Variants in PCDHGA11 observed in about 807,000 individuals in gnomAD.
PCDHGA11 encodes protocadherin gamma subfamily A, 11, also known as protocadherin gamma-A11.
Under a neutral mutation model 60.4 loss-of-function variants are expected in PCDHGA11, and 39 were observed. The ratio of observed to expected loss-of-function variants is 0.65; its 90% CI spans 0.50 to 0.84. The LOEUF is 0.84. PCDHGA11 is among the 40% of genes least tolerant of loss of function. The probability of loss-of-function intolerance (pLI) is 0.00; values close to 1 mark genes in which losing one functional copy is unlikely to be tolerated. For synonymous variants in PCDHGA11, 533 were observed against 510.3 expected, an observed-to-expected ratio of 1.04 and a Z score of -0.60; for missense variants, 1,165 against 1,197.7, an observed-to-expected ratio of 0.97 and a Z score of 0.40.
At chr5:141,427,951 A>G in intron 1 of PCDHGA11, 1 of 1,586,612 alleles carries the variant, frequency 6.3e-7, no homozygotes, top group Non-Finnish European at 8.6e-7. Flanking sequence ...CTCAATGACA[A>G]TGTGCCGCGG....
In PCDHGA11 at chr5:141,491,129, C is replaced by T; in HGVS notation, c.2434-3678C>T. On this transcript the variant is annotated intron_variant, in intron 1 of 3. Transcript: ENST00000398587. This position sits in a 1 kb window ranked among gnomAD's most constrained non-coding sequence, Gnocchi z 6.9. Reference sequence around the variant, plus strand: ...TCTACACACACTGGTGAGGTGCGCACAGCCCGGGCCTTACTGGAGGATGAC... The same window carrying T: ...TCTACACACACTGGTGAGGTGCGCATAGCCCGGGCCTTACTGGAGGATGAC... 1.2e-6 allele frequency: 2 copies of T among 1,614,172 alleles called. No individual in the cohort carries two copies. The highest frequency in any genetic ancestry group is 1.7e-6 in the Non-Finnish European group (2 of 1,180,012).
At chr5:141,437,032 C>T (rs2097859215) in intron 1 of PCDHGA11, among the ~76,000 whole-genome samples, 1 of 152,182 alleles carries the variant, frequency 6.6e-6, no homozygotes, top group Admixed American at 6.5e-5. Context: ...GAAAATGGAT[C>T]ACCGAAACCA....
chr5:141,505,570 C>A, intron 3 of PCDHGA11, 89 bp downstream of exon 3: 1 of 1,598,160 alleles, frequency 6.3e-7, no homozygotes, highest in South Asian at 1.1e-5. Context: ...GACTGGATGT[C>A]AAACCTGTGT....
chr5:141,463,532 T>C (rs1237301892), intron 1 of PCDHGA11, among the ~76,000 whole-genome samples: 2 of 133,692 alleles, frequency 1.5e-5, no homozygotes, highest in Non-Finnish European at 3.1e-5. Flanking sequence ...TACTAGAAAC[T>C]CCGGCTCCCG....
chr5:141,490,399 C>T lies in PCDHGA11; in HGVS notation c.2434-4408C>T. The T allele has an allele frequency of 1.2e-6, 2 of 1,614,148 alleles. No homozygotes were observed. Among genetic ancestry groups the T allele is most frequent in the Non-Finnish European group, 1.7e-6 (2 of 1,180,016 alleles). On this transcript the variant is annotated intron_variant, in intron 1 of 3. Transcript: ENST00000398587. This position sits in a 1 kb window ranked among gnomAD's most constrained non-coding sequence, Gnocchi z 5.4. ...CTCAGGTAGAAATGGTGAAGTGAGC[C>T]TTGATATCTCTCCGGACCTGCCATT... is the stretch of plus-strand genomic sequence containing the variant.
chr5:141,422,354 A>G lies in PCDHGA11; in HGVS notation c.1127A>G (p.Asp376Gly). 1 of 1,557,090 alleles carries G rather than the reference A, an allele frequency of 6.4e-7. No individual in the cohort carries two copies. The highest frequency in any genetic ancestry group is 8.6e-7 in the Non-Finnish European group (1 of 1,156,934). Residue 376 changes from aspartate to glycine, a missense_variant, in exon 1 of 4, where the codon GAT (aspartate) becomes GGT (glycine). Transcript: ENST00000398587. ...GCTCTTCTAAATGTGCAAGATCAAG[A>G]TTCTGGAGAAAATGGTCAAGTCTCC... ...VIALLNVQDQ[D>G]SGENGQVSCF...
In PCDHGA11 at chr5:141,421,223, C is replaced by T; in HGVS notation, c.-5C>T. ...AAACCGCGGAATATCGGCTTAGAGCCTGCCATGGCGAATCGGCTACAGCGC... is the reference window on the plus strand; with the variant it reads ...AAACCGCGGAATATCGGCTTAGAGCTTGCCATGGCGAATCGGCTACAGCGC... On this transcript the variant is annotated 5_prime_UTR_variant, in exon 1 of 4. Coordinates refer to ENST00000398587, the MANE Select transcript of PCDHGA11 (RefSeq NM_018914.3). The T allele has an allele frequency of 6.3e-7, 1 of 1,580,314 alleles. No homozygotes were observed.
At chr5:141,505,827 TCA>T (rs1197972266) in intron 3 of PCDHGA11, among the ~76,000 whole-genome samples, 4 of 152,072 alleles carry the variant, frequency 2.6e-5, no homozygotes, top group South Asian at 4.1e-4. Context: ...TCTCTAAACC[TCA>T]GTTTCCTCAG....
In PCDHGA11 at chr5:141,489,459, C is replaced by A; in HGVS notation, c.2434-5348C>A. ...AATTGGGCTCTGAGGAGAATGGGCG[C>A]TATTTTTCCCTGAGCTTGATGAGTG... On this transcript the variant is annotated intron_variant, in intron 1 of 3. Transcript: ENST00000398587. The surrounding 1 kb of genome is among the most constrained non-coding windows in gnomAD (Gnocchi z 4.5). 1 of 1,614,086 alleles carries A rather than the reference C, an allele frequency of 6.2e-7. No individual in the cohort carries two copies. The highest frequency in any genetic ancestry group is 8.5e-7 in the Non-Finnish European group (1 of 1,180,012).
In PCDHGA11 at chr5:141,432,361, G is replaced by A; in HGVS notation, c.2433+8701G>A. 1 of 1,614,230 alleles carries A rather than the reference G, an allele frequency of 6.2e-7. No individual in the cohort carries two copies. Among genetic ancestry groups the A allele is most frequent in the Non-Finnish European group, 8.5e-7 (1 of 1,180,050 alleles). On this transcript the variant is annotated intron_variant, in intron 1 of 3. Coordinates refer to ENST00000398587, the MANE Select transcript of PCDHGA11 (RefSeq NM_018914.3). The surrounding 1 kb of genome is among the most constrained non-coding windows in gnomAD (Gnocchi z 6.0). Reference sequence around the variant, plus strand: ...GAGACTTGCAAGTGAAAGTGATGGCGCGGGACAACGGGCACCCGCCCCTCA... The same window carrying A: ...GAGACTTGCAAGTGAAAGTGATGGCACGGGACAACGGGCACCCGCCCCTCA...
intron 1 of PCDHGA11, chr5:141,484,980 A>C (rs1387732109): frequency 1.7e-6 from 1 of 593,836 alleles, no homozygotes; most frequent in Admixed American, 3.1e-5. Flanking sequence ...CTGTCTGCCA[A>C]TCGGGTGGTG....
rs143530538 is a variant in PCDHGA11 at position 141,490,323 on chromosome 5, G to A, written c.2434-4484G>A. 18 of 1,614,102 alleles carry A rather than the reference G, an allele frequency of 1.1e-5. No individual in the cohort carries two copies. Among genetic ancestry groups the A allele is most frequent in the Non-Finnish European group, 1.4e-5 (17 of 1,180,056 alleles). ...CCTCTTTGGCCAACCCTGTCCTAGA[G>A]AGCACACCAGTGGGCACAGTAGTGG... On this transcript the variant is annotated intron_variant, in intron 1 of 3. Transcript: ENST00000398587. This position sits in a 1 kb window ranked among gnomAD's most constrained non-coding sequence, Gnocchi z 5.4.
At chr5:141,469,543 C>T (rs1031152008) in intron 1 of PCDHGA11, among the ~76,000 whole-genome samples, 1 of 152,040 alleles carries the variant, frequency 6.6e-6, no homozygotes, top group Non-Finnish European at 1.5e-5. Context: ...CCACTGCACT[C>T]CAGCCTGGCG....
At chr5:141,425,413 T>G (rs2096873899) in intron 1 of PCDHGA11, among the ~76,000 whole-genome samples, 1 of 152,202 alleles carries the variant, frequency 6.6e-6, no homozygotes, top group African/African-American at 2.4e-5. Context: ...AGGTATAACA[T>G]ATAGTCCCAT....
At chr5:141,499,461 A>G (rs1448103747) in intron 2 of PCDHGA11, among the ~76,000 whole-genome samples, 2 of 152,226 alleles carry the variant, frequency 1.3e-5, no homozygotes. Flanking sequence ...TCATTTTACA[A>G]TCTAGGGAGA....
At position 141,511,076 on chromosome 5, in the gene PCDHGA11, A is replaced by G. The variant is rs201009079; in HGVS notation, c.2711A>G (p.Asn904Ser). 19 of 1,614,218 alleles carry G rather than the reference A, an allele frequency of 1.2e-5. No individual in the cohort carries two copies. In the East Asian group the frequency reaches 3.6e-4, roughly 30 times the overall value. ...CAGAATGTCTACATCCCAGGCAGCA[A>G]TGCCACACTGACCAACGCAGCTGGC... ...YRQNVYIPGS[N>S]ATLTNAAGKR... Residue 904 changes from asparagine (N) to serine (S), a missense_variant, in exon 4 of 4, where the codon AAT (asparagine) becomes AGT (serine). Coordinates refer to ENST00000398587, the MANE Select transcript of PCDHGA11 (RefSeq NM_018914.3).
Position 141,489,897 on chromosome 5 carries a change from C to G in PCDHGA11, c.2434-4910C>G. ...TGCTTACTGCTGTGGATGGGGGGAC[C>G]CCAGCCCGCTCAGGGACCACCCTTA... is the stretch of plus-strand genomic sequence containing the variant. On this transcript the variant is annotated intron_variant, in intron 1 of 3. Transcript: ENST00000398587. This position sits in a 1 kb window ranked among gnomAD's most constrained non-coding sequence, Gnocchi z 4.5. 1 of 1,614,162 alleles carries G rather than the reference C, an allele frequency of 6.2e-7. No individual in the cohort carries two copies. Among genetic ancestry groups the G allele is most frequent in the Non-Finnish European group, 8.5e-7 (1 of 1,180,016 alleles).
At position 141,430,919 on chromosome 5, in the gene PCDHGA11, C is replaced by A. The variant is rs377613499; in HGVS notation, c.2433+7259C>A. The A allele has an allele frequency of 6.2e-7, 1 of 1,607,492 alleles. No homozygotes were observed. Among genetic ancestry groups the A allele is most frequent in the Admixed American group, 1.7e-5 (1 of 58,806 alleles). The stretch of plus-strand genomic sequence containing the variant: ...GGGCGACATCTCCAGGGACCTGGGG[C>A]TGGAGCCCCGGGAGCTCGCGGAGCG... On this transcript the variant is annotated intron_variant, in intron 1 of 3. Transcript: ENST00000398587.
chr5:141,496,306 C>T (rs1380057886), intron 2 of PCDHGA11, among the ~76,000 whole-genome samples: 1 of 152,202 alleles, frequency 6.6e-6, no homozygotes, highest in South Asian at 2.1e-4. Flanking sequence ...ATAGGCTCTG[C>T]GCCAGGCCTC....
Sources: allele counts gnomAD v4.1 joint callset (sites outside exome capture counted in the v4.1 genomes callset), GRCh38; gene constraint gnomAD v4.1.1; non-coding constraint Gnocchi (gnomAD v3.1); transcripts MANE v1.5; gene names NCBI Gene and HGNC (gene_info 2026-07-23, HGNC 2026-07-21).